Variants in THSD4 observed in about 807,000 individuals in gnomAD.
THSD4 encodes the protein thrombospondin type-1 domain-containing protein 4.
In THSD4, 69 loss-of-function variants were observed where a neutral mutation model predicts 119.0. That is an observed-to-expected ratio of 0.58 (90% CI 0.48 to 0.71). THSD4 has a LOEUF of 0.71. Among genes scored for constraint, THSD4 ranks in the 30% least tolerant of loss-of-function variants. The pLI, the probability that THSD4 is intolerant of heterozygous loss-of-function variation, is 0.00. For missense variants in THSD4, 1,393 were observed against 1,391.1 expected (o/e 1.00, Z -0.02); for synonymous variants, 524 against 540.4 (o/e 0.97, Z 0.42).
At chr15:71,425,401 A>G (rs1433577590) in intron 7 of THSD4, among the ~76,000 whole-genome samples, 1 of 152,076 alleles carries the variant, frequency 6.6e-6, no homozygotes, top group Non-Finnish European at 1.5e-5. Flanking sequence ...CCCTCTTCTG[A>G]GTTTATTTTT....
intron 6 of THSD4, among the ~76,000 whole-genome samples, chr15:71,352,580 A>T (rs1428164817): frequency 6.6e-6 from 1 of 152,216 alleles, no homozygotes; most frequent in African/African-American, 2.4e-5. Flanking sequence ...CTTAGAAAGG[A>T]TTGGCTGATA....
intron 6 of THSD4, among the ~76,000 whole-genome samples, chr15:71,270,789 A>G (rs2044519086): frequency 1.4e-5 from 2 of 142,872 alleles, no homozygotes; most frequent in South Asian, 4.4e-4. Flanking sequence ...GCTGTTGGGA[A>G]CCCTACTGGA....
intron 8 of THSD4, among the ~76,000 whole-genome samples, chr15:71,699,807 T>A (rs967531716): frequency 6.6e-6 from 1 of 152,122 alleles, no homozygotes; most frequent in Admixed American, 6.5e-5. Flanking sequence ...ATTCAAATAA[T>A]TCCAGGAGTA....
At chr15:71,546,332 C>G (rs2048836928) in intron 7 of THSD4, among the ~76,000 whole-genome samples, 1 of 152,070 alleles carries the variant, frequency 6.6e-6, no homozygotes, top group Non-Finnish European at 1.5e-5. Context: ...AGGCAGAATA[C>G]AGTACTTGAT....
At chr15:71,367,675 G>A (rs566769597) in intron 6 of THSD4, among the ~76,000 whole-genome samples, 1 of 152,272 alleles carries the variant, frequency 6.6e-6, no homozygotes, top group South Asian at 2.1e-4. Context: ...TCTTAATCCA[G>A]TCTATCATTG....
At chr15:71,505,366 A>G (rs1241961807) in intron 7 of THSD4, among the ~76,000 whole-genome samples, 1 of 152,196 alleles carries the variant, frequency 6.6e-6, no homozygotes, top group Non-Finnish European at 1.5e-5. Flanking sequence ...ACATTGTCCA[A>G]GAGAGTGAAT....
intron 7 of THSD4, among the ~76,000 whole-genome samples, chr15:71,617,548 C>T (rs1264332778): frequency 1.3e-5 from 2 of 152,198 alleles, no homozygotes; most frequent in Non-Finnish European, 2.9e-5. Context: ...GCCTTTCATA[C>T]TCAGCCGAAC....
chr15:71,145,569 G>C (rs117178788), intron 2 of THSD4, among the ~76,000 whole-genome samples: 393 of 152,286 alleles, frequency 2.6e-3, no homozygotes, highest in Non-Finnish European at 4.7e-3. Flanking sequence ...AAGGGTTGAG[G>C]AAATGAGAAA....
chr15:71,115,829 T>G lies in THSD4; in HGVS notation c.-80+131T>G, dbSNP rs1173275985. The G allele has an allele frequency of 6.6e-6, 1 of 151,332 alleles. No homozygotes were observed. Among genetic ancestry groups the G allele is most frequent in the Non-Finnish European group, 1.5e-5 (1 of 67,738 alleles). The allele number at this position is 151,332 out of a possible 1,614,324, so 9.4% of individuals were successfully genotyped here. On this transcript the variant is annotated intron_variant, in intron 1 of 17. Coordinates refer to ENST00000261862, the MANE Select transcript of THSD4 (RefSeq NM_024817.3). This position sits in a 1 kb window ranked among gnomAD's most constrained non-coding sequence, Gnocchi z 4.4. The stretch of plus-strand genomic sequence containing the variant: ...GCTGGCGCGGGCTACCCAGTGGGTG[T>G]GTCCGGGGCGCCGCGGGCTGCGCCG...
intron 8 of THSD4, among the ~76,000 whole-genome samples, chr15:71,693,801 ACT>A (rs1168887477): frequency 6.6e-6 from 1 of 151,400 alleles, no homozygotes; most frequent in East Asian, 1.9e-4. Flanking sequence ...CTTGGCTCCT[ACT>A]CTCTCGCCTG....
rs1040381361 is a variant in THSD4, at chr15:71,225,539, C to CTTT, written c.464+10149_464+10151dup. On this transcript the variant is annotated intron_variant, in intron 4 of 17. Coordinates refer to ENST00000261862, the MANE Select transcript of THSD4 (RefSeq NM_024817.3). Reference sequence around the variant, plus strand: ...CAGCTCTCAAACACATTTTCTTTTTCTTTTTTTTTTTCTTTTTTTTTTTTT... The same window carrying CTTT: ...CAGCTCTCAAACACATTTTCTTTTTCTTTTTTTTTTTTTTCTTTTTTTTTTTTT... Among the ~76,000 whole-genome samples the CTTT allele has an allele frequency of 2.7e-4, 28 of 105,362 alleles. 3 individuals are homozygous for CTTT. The highest frequency in any genetic ancestry group is 3.5e-4 in the African/African-American group (10 of 28,640). The allele number at this position is 105,362 out of a possible 152,430, so 69.1% of individuals were successfully genotyped here. A position where few individuals can be genotyped will look rare whatever the true frequency, so the allele number is the denominator to read the frequency against.
At chr15:71,535,350 A>G (rs1201687897) in intron 7 of THSD4, among the ~76,000 whole-genome samples, 1 of 152,190 alleles carries the variant, frequency 6.6e-6, no homozygotes, top group Non-Finnish European at 1.5e-5. Flanking sequence ...TGTAGTGCGG[A>G]TATACCACAT....
At position 71,115,676 on chromosome 15, in the gene THSD4, C is replaced by G. The variant is rs1431222252; in HGVS notation, c.-102C>G. The G allele has an allele frequency of 6.8e-6, 1 of 146,928 alleles. No homozygotes were observed. The highest frequency in any genetic ancestry group is 1.5e-5 in the Non-Finnish European group (1 of 66,054). 9.1% of individuals were successfully genotyped at this position (146,928 alleles called of 1,614,324 possible). On this transcript the variant is annotated 5_prime_UTR_variant, in exon 1 of 18. Coordinates refer to ENST00000261862, the MANE Select transcript of THSD4 (RefSeq NM_024817.3). The surrounding 1 kb of genome is among the most constrained non-coding windows in gnomAD (Gnocchi z 4.4). Reference sequence around the variant, plus strand: ...GAGGCGAGGCGAGGCGGCCGCCGGTCGCTCCGGGACGCGGACCGCCAGGTG... The same window carrying G: ...GAGGCGAGGCGAGGCGGCCGCCGGTGGCTCCGGGACGCGGACCGCCAGGTG...
intron 8 of THSD4, among the ~76,000 whole-genome samples, chr15:71,663,114 C>A (rs972662481): frequency 1.3e-5 from 2 of 151,890 alleles, no homozygotes; most frequent in Non-Finnish European, 2.9e-5. Context: ...CAGCCAGATG[C>A]GGTGACACAT....
chr15:71,327,360 A>G (rs2045359882), intron 6 of THSD4, among the ~76,000 whole-genome samples: 1 of 152,126 alleles, frequency 6.6e-6, no homozygotes, highest in African/African-American at 2.4e-5. Flanking sequence ...GCCGCCTTCC[A>G]CCAGGTTCTG....
In THSD4 at chr15:71,488,243, G is replaced by T. The variant is rs551512398; in HGVS notation, c.1152+76420G>T. Reference sequence around the variant, plus strand: ...TTTTTCTTCTTAAACTTATTTATATGGTGAATTATATTAATATATCTCCTA... The same window carrying T: ...TTTTTCTTCTTAAACTTATTTATATTGTGAATTATATTAATATATCTCCTA... On this transcript the variant is annotated intron_variant, in intron 7 of 17. Coordinates refer to ENST00000261862, the MANE Select transcript of THSD4 (RefSeq NM_024817.3). Among the ~76,000 whole-genome samples the T allele has an allele frequency of 3.2e-4, 48 of 152,224 alleles. No homozygotes were observed. The South Asian group carries it at 9.7e-3, about 31-fold the overall frequency.
In THSD4 at chr15:71,589,687, TA is replaced by T. The variant is rs1567050837; in HGVS notation, c.1153-70838del. 2.9e-5 allele frequency among the ~76,000 whole-genome samples: 4 copies of T among 139,518 alleles called. 1 individual carries two copies. Among genetic ancestry groups the T allele is most frequent in the African/African-American group, 1.0e-4 (4 of 39,878 alleles). 91.5% of individuals were successfully genotyped at this position (139,518 alleles called of 152,430 possible). On this transcript the variant is annotated intron_variant, in intron 7 of 17. Transcript: ENST00000261862. ...ATGTATTTCTTACTGTTGGTTTCAG[TA>T]AAAAGTTTGAAAAATACTACCCAGA...
At chr15:71,505,710 T>C (rs1279288520) in intron 7 of THSD4, among the ~76,000 whole-genome samples, 2 of 152,158 alleles carry the variant, frequency 1.3e-5, no homozygotes, top group African/African-American at 2.4e-5. Flanking sequence ...AGGCAAATGG[T>C]AATGAAATGC....
At chr15:71,626,194 A>C (rs1478279808) in intron 7 of THSD4, among the ~76,000 whole-genome samples, 1 of 152,092 alleles carries the variant, frequency 6.6e-6, no homozygotes, top group Non-Finnish European at 1.5e-5. Flanking sequence ...TGTAACTTGC[A>C]ATCTTTTGGT....
Sources: allele counts gnomAD v4.1 joint callset (sites outside exome capture counted in the v4.1 genomes callset), GRCh38; gene constraint gnomAD v4.1.1; non-coding constraint Gnocchi (gnomAD v3.1); transcripts MANE v1.5; gene names NCBI Gene and HGNC (gene_info 2026-07-23, HGNC 2026-07-21).